The following ADGRL3 variants were observed in gnomAD, a reference collection of about 807,000 sequenced individuals.
ADGRL3 encodes calcium-independent alpha-latrotoxin receptor 3.
A neutral mutation model predicts 153.5 loss-of-function variants in ADGRL3; 62 were observed. The observed-to-expected ratio is 0.40, with a 90% confidence interval of 0.33 to 0.50. ADGRL3 has a LOEUF of 0.50. ADGRL3 is among the 20% of genes least tolerant of loss of function. The pLI is 0.47. For missense variants in ADGRL3, 1,641 were observed against 1,859.4 expected (o/e 0.88, Z 2.16); for synonymous variants, 710 against 672.5 (o/e 1.06, Z -0.86).
intron 5 of ADGRL3, among the ~76,000 whole-genome samples, chr4:61,596,549 G>A (rs770015661): frequency 4.6e-5 from 7 of 152,196 alleles, no homozygotes; most frequent in Non-Finnish European, 1.0e-4. Context: ...TATGAAATTT[G>A]CCTCCTTGAA....
In ADGRL3 at chr4:61,369,842, G is replaced by A. The variant is rs542495927; in HGVS notation, c.-239-13282G>A. Among the ~76,000 whole-genome samples the A allele has an allele frequency of 1.5e-4, 23 of 152,194 alleles. No homozygotes were observed. In the South Asian group the frequency reaches 1.7e-3, roughly 11 times the overall value. On this transcript the variant is annotated intron_variant, in intron 1 of 26. Coordinates refer to ENST00000683033, the MANE Select transcript of ADGRL3 (RefSeq NM_001387552.1). ...CTTGTACCTCTGGTAGAATTCGGCTGTGAATCCATCTGGTCCTGGACTCTT... is the reference window on the plus strand; with the variant it reads ...CTTGTACCTCTGGTAGAATTCGGCTATGAATCCATCTGGTCCTGGACTCTT...
At chr4:61,472,468 T>C (rs2097971780) in intron 2 of ADGRL3, among the ~76,000 whole-genome samples, 1 of 152,104 alleles carries the variant, frequency 6.6e-6, no homozygotes, top group South Asian at 2.1e-4. Flanking sequence ...TTTATAGGGA[T>C]ACATCATGAC....
chr4:61,948,678 T>C (rs2150322367), intron 17 of ADGRL3, among the ~76,000 whole-genome samples: 1 of 152,186 alleles, frequency 6.6e-6, no homozygotes, highest in African/African-American at 2.4e-5. Flanking sequence ...AAACTGACTC[T>C]TGGGAAAGCA....
chr4:61,495,374 A>G (rs1371196443), intron 2 of ADGRL3, among the ~76,000 whole-genome samples: 2 of 152,060 alleles, frequency 1.3e-5, no homozygotes, highest in Non-Finnish European at 2.9e-5. Flanking sequence ...TTAATTCTAA[A>G]ACTCTGAAAT....
chr4:61,651,726 A>G (rs76730937), intron 5 of ADGRL3, among the ~76,000 whole-genome samples: 3,379 of 145,578 alleles, frequency 0.023, 120 homozygotes, highest in East Asian at 0.18. Context: ...CCTCGCCTCA[A>G]CCTCCTGAGT....
At chr4:61,296,667 C>T (rs1397017295) in intron 1 of ADGRL3, among the ~76,000 whole-genome samples, 1 of 152,008 alleles carries the variant, frequency 6.6e-6, no homozygotes, top group East Asian at 1.9e-4. Flanking sequence ...ATGTAAATAG[C>T]AAAAGGCTTT....
chr4:62,020,090 G>A (rs2099231008), intron 21 of ADGRL3, among the ~76,000 whole-genome samples: 1 of 152,020 alleles, frequency 6.6e-6, no homozygotes, highest in African/African-American at 2.4e-5. Context: ...TTGTGTTCTA[G>A]TTATTCTCCC....
At position 61,532,179 on chromosome 4, in the gene ADGRL3, G is replaced by A. The variant is rs1405771825; in HGVS notation, c.259+14661G>A. On this transcript the variant is annotated intron_variant, in intron 4 of 26. Transcript: ENST00000683033. ...GTTTATACTGCATGTGAGGAAGGAAGGCAGTCAGATATGCGTGACTGCATC... is the reference window on the plus strand; with the variant it reads ...GTTTATACTGCATGTGAGGAAGGAAAGCAGTCAGATATGCGTGACTGCATC... Among the ~76,000 whole-genome samples the A allele has an allele frequency of 7.2e-5, 11 of 152,154 alleles. No homozygotes were observed. The East Asian group carries it at 2.1e-3, about 29-fold the overall frequency.
At chr4:61,980,126 G>A (rs114259625) in intron 18 of ADGRL3, among the ~76,000 whole-genome samples, 126 of 152,116 alleles carry the variant, frequency 8.3e-4, no homozygotes, top group African/African-American at 3.0e-3. Context: ...AGGTACACTT[G>A]TGACAACTGA....
intron 13 of ADGRL3, among the ~76,000 whole-genome samples, chr4:61,934,383 T>A (rs535715822): frequency 2.6e-5 from 4 of 152,312 alleles, no homozygotes; most frequent in East Asian, 1.9e-4. Context: ...AGCAACAAAT[T>A]CTTGGATTGT....
chr4:61,490,301 A>AGTT lies in ADGRL3; in HGVS notation c.-173-6820_-173-6819insGTT, dbSNP rs397759675. The stretch of plus-strand genomic sequence containing the variant: ...TTTGGATTTATATTTTACCACTTGT[A>AGTT]TTTACTGCATTATCTCATCTTCATT... On this transcript the variant is annotated intron_variant, in intron 2 of 26. Transcript: ENST00000683033. Among the ~76,000 whole-genome samples, 16 of 151,096 alleles carry AGTT rather than the reference A, an allele frequency of 1.1e-4. No homozygotes were observed. The South Asian group carries it at 2.9e-3, about 28-fold the overall frequency.
intron 6 of ADGRL3, among the ~76,000 whole-genome samples, chr4:61,712,910 T>C (rs1392546741): frequency 2.0e-5 from 3 of 152,204 alleles, no homozygotes; most frequent in Non-Finnish European, 4.4e-5. Flanking sequence ...AAATTGTCCC[T>C]GTTGACAAAA....
At chr4:61,310,247 A>G (rs1158341139) in intron 1 of ADGRL3, among the ~76,000 whole-genome samples, 3 of 151,914 alleles carry the variant, frequency 2.0e-5, no homozygotes. Context: ...AAAATGGGCC[A>G]GGTTTCATTC....
chr4:61,387,498 A>G (rs143167201), intron 2 of ADGRL3, among the ~76,000 whole-genome samples: 1 of 152,148 alleles, frequency 6.6e-6, no homozygotes, highest in East Asian at 1.9e-4. Flanking sequence ...ATAAGAGACG[A>G]CCACGCCCCA....
chr4:61,813,680 A>G, intron 8 of ADGRL3, 129 bp from the exon 9 acceptor site: 1 of 981,156 alleles, frequency 1.0e-6, no homozygotes. Flanking sequence ...GTTTGGGCAG[A>G]TATGTCTACT....
chr4:61,218,510 G>A (rs1743924211), intron 1 of ADGRL3, among the ~76,000 whole-genome samples: 2 of 151,652 alleles, frequency 1.3e-5, no homozygotes, highest in South Asian at 2.1e-4. Flanking sequence ...ATTTTTTTAA[G>A]TAGAGACGAG....
intron 9 of ADGRL3, among the ~76,000 whole-genome samples, chr4:61,873,433 A>G (rs1234953681): frequency 1.3e-5 from 2 of 152,172 alleles, no homozygotes; most frequent in Non-Finnish European, 1.5e-5. Context: ...GTTGTTACGC[A>G]TGTTCTCCTT....
chr4:61,752,507 T>C (rs1384670815), intron 8 of ADGRL3, among the ~76,000 whole-genome samples: 4 of 152,186 alleles, frequency 2.6e-5, no homozygotes, highest in Non-Finnish European at 5.9e-5. Flanking sequence ...TGTTCCTTCA[T>C]CCTCAGAGAT....
At chr4:61,877,008 A>G (rs1422539751) in intron 9 of ADGRL3, among the ~76,000 whole-genome samples, 2 of 152,252 alleles carry the variant, frequency 1.3e-5, no homozygotes, top group Non-Finnish European at 2.9e-5. Flanking sequence ...TTAGAAGAGA[A>G]AGAGCAAAGG....
Sources: gnomAD v4.1 joint callset for allele counts (sites outside exome capture counted in the v4.1 genomes callset) on GRCh38, gnomAD v4.1.1 for gene constraint, MANE v1.5 for transcripts, NCBI Gene and HGNC (gene_info 2026-07-23, HGNC 2026-07-21) for gene names.